The following CCDC7 variants were observed in gnomAD, a reference collection of about 807,000 sequenced individuals.
CCDC7 encodes the protein coiled-coil domain-containing protein 7.
CCDC7 carries 183 observed loss-of-function variants against 196.9 expected under a neutral mutation model. The observed-to-expected ratio is 0.93, with a 90% CI of 0.82 to 1.05. CCDC7 has a LOEUF of 1.05. Among genes scored for constraint, CCDC7 ranks in the 50% least tolerant of loss-of-function variants. The pLI, the probability that CCDC7 is intolerant of heterozygous loss-of-function variation, is 0.00. For synonymous variants in CCDC7, 525 were observed against 484.6 expected (o/e 1.08, Z -1.10); for missense variants, 1,540 against 1,482.2 (o/e 1.04, Z -0.64).
At chr10:32,869,961 G>A (rs990532091) in intron 41 of CCDC7, among the ~76,000 whole-genome samples, 3 of 152,048 alleles carry the variant, frequency 2.0e-5, no homozygotes, top group Admixed American at 2.0e-4. Context: ...CTATATCTCT[G>A]TTTTGGTACC....
intron 21 of CCDC7, among the ~76,000 whole-genome samples, chr10:32,672,002 T>C (rs2074151693): frequency 6.6e-6 from 1 of 152,204 alleles, no homozygotes; most frequent in Non-Finnish European, 1.5e-5. Flanking sequence ...AAATCCCTCT[T>C]GGTTCCGGGT....
At chr10:32,800,939 G>T (rs1376998022) in intron 29 of CCDC7, among the ~76,000 whole-genome samples, 1 of 152,206 alleles carries the variant, frequency 6.6e-6, no homozygotes, top group Admixed American at 6.5e-5. Context: ...ATTAGCCAAT[G>T]CCAGAGCTCT....
At chr10:32,735,890 G>T (rs1370213417) in intron 28 of CCDC7, among the ~76,000 whole-genome samples, 1 of 152,068 alleles carries the variant, frequency 6.6e-6, no homozygotes, top group Non-Finnish European at 1.5e-5. Context: ...TTTACATGTG[G>T]ATGACTAGTT....
At chr10:32,696,776 A>G (rs1378220001) in intron 24 of CCDC7, among the ~76,000 whole-genome samples, 1 of 152,090 alleles carries the variant, frequency 6.6e-6, no homozygotes, top group Non-Finnish European at 1.5e-5. Context: ...GTGCCCAATG[A>G]CTATTTTTAT....
intron 29 of CCDC7, among the ~76,000 whole-genome samples, chr10:32,781,366 A>T (rs967311391): frequency 6.6e-6 from 1 of 152,210 alleles, no homozygotes; most frequent in Non-Finnish European, 1.5e-5. Flanking sequence ...CAAATGACAG[A>T]CCAATATCCC....
chr10:32,852,425 A>G (rs1180007502), intron 40 of CCDC7, among the ~76,000 whole-genome samples: 2 of 152,120 alleles, frequency 1.3e-5, no homozygotes, highest in Non-Finnish European at 2.9e-5. Context: ...CTGTCACTCC[A>G]GAGGCATCAT....
chr10:32,676,600 CCAAAAAA>C (rs1235951698), intron 21 of CCDC7, among the ~76,000 whole-genome samples: 2 of 152,058 alleles, frequency 1.3e-5, no homozygotes, highest in Non-Finnish European at 2.9e-5. Context: ...ATTTATGCAG[CCAAAAAA>C]CACATGAAAA....
chr10:32,592,514 G>T, intron 18 of CCDC7, among the ~76,000 whole-genome samples: 1 of 151,310 alleles, frequency 6.6e-6, no homozygotes, highest in African/African-American at 2.4e-5. Flanking sequence ...ATAAGTTTTA[G>T]GTAAATTTTT....
At chr10:32,808,817 A>G (rs1463755961) in intron 30 of CCDC7, among the ~76,000 whole-genome samples, 1 of 128,298 alleles carries the variant, frequency 7.8e-6, no homozygotes, top group Admixed American at 8.0e-5. Context: ...TGACACTGTT[A>G]TAGCTGAAAA....
At chr10:32,819,349 G>A (rs1207047181) in intron 31 of CCDC7, among the ~76,000 whole-genome samples, 2 of 152,132 alleles carry the variant, frequency 1.3e-5, no homozygotes, top group African/African-American at 2.4e-5. Flanking sequence ...AAAAAGTCCA[G>A]GACCAGATGG....
At chr10:32,601,039 C>T (rs868483369) in intron 18 of CCDC7, among the ~76,000 whole-genome samples, 11 of 152,198 alleles carry the variant, frequency 7.2e-5, no homozygotes, top group Middle Eastern at 3.4e-3. Context: ...ATCCCACTGC[C>T]TCTGGCCTCC....
intron 26 of CCDC7, among the ~76,000 whole-genome samples, chr10:32,728,330 C>T (rs2083422798): frequency 6.6e-6 from 1 of 152,110 alleles, no homozygotes; most frequent in Non-Finnish European, 1.5e-5. Flanking sequence ...CATAGGCTGT[C>T]TATCATTGCC....
intron 8 of CCDC7, among the ~76,000 whole-genome samples, chr10:32,480,751 G>T (rs1199410155): frequency 6.6e-6 from 1 of 152,148 alleles, no homozygotes; most frequent in Non-Finnish European, 1.5e-5. Flanking sequence ...AATTTTATAA[G>T]ACTTACTGGC....
chr10:32,470,948 T>C, intron 5 of CCDC7, 116 bp from the exon 7 acceptor site: 3 of 998,594 alleles, frequency 3.0e-6, no homozygotes, highest in Non-Finnish European at 4.2e-6. Context: ...GCTATAGCTA[T>C]AGATAAGAAA....
intron 20 of CCDC7, among the ~76,000 whole-genome samples, chr10:32,643,830 C>A (rs762575437): frequency 7.5e-5 from 11 of 145,914 alleles, no homozygotes; most frequent in Non-Finnish European, 1.2e-4. Context: ...TTAATTTGGT[C>A]TTTTTTTGAA....
chr10:32,718,816 G>A (rs768418779), intron 25 of CCDC7, among the ~76,000 whole-genome samples: 1 of 152,222 alleles, frequency 6.6e-6, no homozygotes, highest in African/African-American at 2.4e-5. Flanking sequence ...CAGCTTATGA[G>A]GGATGTAAAG....
intron 18 of CCDC7, among the ~76,000 whole-genome samples, chr10:32,590,601 A>G (rs1413221844): frequency 6.6e-6 from 1 of 151,892 alleles, no homozygotes; most frequent in Non-Finnish European, 1.5e-5. Flanking sequence ...ATGATTTCTT[A>G]TTGTTCATGA....
chr10:32,634,991 A>G (rs958329760), intron 19 of CCDC7, 66 bp from the exon 21 acceptor site: 8 of 397,206 alleles, frequency 2.0e-5, no homozygotes, highest in African/African-American at 1.6e-4. Context: ...TACACAAATG[A>G]GAGGAAGTAT....
exon 7 of CCDC7, chr10:32,472,526 G>T: frequency 6.3e-7 from 1 of 1,584,444 alleles, no homozygotes; most frequent in Non-Finnish European, 8.6e-7. Flanking sequence ...GTGAAGCTCT[G>T]GCACAGAAAA....
Sources: allele counts gnomAD v4.1 joint callset (sites outside exome capture counted in the v4.1 genomes callset), GRCh38; gene constraint gnomAD v4.1.1; transcripts MANE v1.5; gene names NCBI Gene and HGNC (gene_info 2026-07-23, HGNC 2026-07-21).